CYRIB: variants seen among roughly 807,000 people sequenced by gnomAD.
The protein encoded by CYRIB is CYFIP-related Rac1 interactor B.
In CYRIB, 8 loss-of-function variants were observed where a neutral mutation model predicts 44.2. That is an observed-to-expected ratio of 0.18 (90% confidence interval 0.11 to 0.33). CYRIB has a LOEUF of 0.33. Ranked by LOEUF, CYRIB falls within the 10% of genes least tolerant of loss-of-function variation. The pLI is 1.00. For synonymous variants in CYRIB, 131 were observed against 127.2 expected (o/e 1.03, Z -0.20); for missense variants, 185 against 382.8 (o/e 0.48, Z 4.31).
exon 12 of CYRIB, chr8:129,839,605 A>T (rs1468500586): frequency 6.6e-6 from 1 of 152,226 alleles, no homozygotes; most frequent in Non-Finnish European, 1.5e-5. Context: ...AGGTTCCAAT[A>T]AAATTTTATT....
intron 2 of CYRIB, chr8:129,947,767 T>C (rs2094253535): frequency 6.6e-6 from 1 of 152,252 alleles, no homozygotes; most frequent in African/African-American, 2.4e-5. Flanking sequence ...GCAGCACATA[T>C]TTTTATTAAA....
chr8:129,845,757 A>G (rs2039580385), intron 11 of CYRIB, among the ~76,000 whole-genome samples: 1 of 152,242 alleles, frequency 6.6e-6, no homozygotes, highest in Non-Finnish European at 1.5e-5. Context: ...CCCTCAAAAA[A>G]TCAAGTAATG....
chr8:129,892,959 C>T (rs536017166), intron 2 of CYRIB, among the ~76,000 whole-genome samples: 3 of 152,250 alleles, frequency 2.0e-5, no homozygotes, highest in Non-Finnish European at 2.9e-5. Flanking sequence ...CCTCAATTAG[C>T]GGCGGATTTG....
At chr8:129,954,795 G>C (rs10089850) in intron 2 of CYRIB, among the ~76,000 whole-genome samples, 15,106 of 152,168 alleles carry the variant, frequency 0.099, 872 homozygotes, top group East Asian at 0.26. Context: ...TGAGGCATCA[G>C]TAAAGTCCTG....
intron 1 of CYRIB, among the ~76,000 whole-genome samples, chr8:129,909,299 A>G (rs1036262943): frequency 1.3e-5 from 2 of 152,180 alleles, no homozygotes; most frequent in African/African-American, 4.8e-5. Context: ...CCCCTTTATT[A>G]TAAGGGTAAA....
chr8:129,987,568 C>CTTTTTT (rs34876735), intron 1 of CYRIB, among the ~76,000 whole-genome samples: 1 of 127,024 alleles, frequency 7.9e-6, no homozygotes, highest in Non-Finnish European at 1.6e-5. Flanking sequence ...TTTTTTTTTT[C>CTTTTTT]TTTTTTTTTT....
At chr8:129,931,323 T>C (rs1791450145) in intron 1 of CYRIB, among the ~76,000 whole-genome samples, 1 of 152,224 alleles carries the variant, frequency 6.6e-6, no homozygotes, top group Admixed American at 6.5e-5. Flanking sequence ...AGTAGAGAAC[T>C]GTGGTTTGAT....
chr8:129,866,534 CT>C (rs1361786125), intron 4 of CYRIB, among the ~76,000 whole-genome samples: 1 of 151,800 alleles, frequency 6.6e-6, no homozygotes. Context: ...CACATTTTGA[CT>C]GTATATAGAG....
At chr8:129,842,947 T>G (rs1203592463) in intron 11 of CYRIB, among the ~76,000 whole-genome samples, 3 of 152,220 alleles carry the variant, frequency 2.0e-5, no homozygotes, top group Non-Finnish European at 2.9e-5. Flanking sequence ...GCCTTATTTC[T>G]AGGCATGTGT....
intron 1 of CYRIB, among the ~76,000 whole-genome samples, chr8:129,976,009 G>C (rs758932218): frequency 1.3e-5 from 2 of 151,926 alleles, no homozygotes; most frequent in Non-Finnish European, 2.9e-5. Flanking sequence ...TGGAAATGAA[G>C]AACTCTTGTA....
intron 2 of CYRIB, among the ~76,000 whole-genome samples, chr8:129,957,891 G>T (rs1386920004): frequency 6.6e-6 from 1 of 151,396 alleles, no homozygotes; most frequent in Non-Finnish European, 1.5e-5. Context: ...TGTGAACCTG[G>T]GAGGCAGAGC....
At chr8:129,972,040 C>T (rs1487444085) in intron 1 of CYRIB, among the ~76,000 whole-genome samples, 1 of 152,166 alleles carries the variant, frequency 6.6e-6, no homozygotes, top group Non-Finnish European at 1.5e-5. Context: ...TTAGTGTTTT[C>T]TCTTTGCTTT....
intron 2 of CYRIB, chr8:129,901,801 C>T (rs1020469562): frequency 6.6e-6 from 1 of 152,174 alleles, no homozygotes; most frequent in Non-Finnish European, 1.5e-5. Flanking sequence ...TTTTTGCACA[C>T]AACATCTATT....
chr8:129,972,688 C>A (rs1349483486), intron 1 of CYRIB, among the ~76,000 whole-genome samples: 1 of 152,048 alleles, frequency 6.6e-6, no homozygotes, highest in Non-Finnish European at 1.5e-5. Flanking sequence ...ACACACACCA[C>A]ACATACACCA....
intron 5 of CYRIB, among the ~76,000 whole-genome samples, chr8:129,859,514 T>C (rs1270382882): frequency 6.6e-6 from 1 of 151,990 alleles, no homozygotes; most frequent in African/African-American, 2.4e-5. Flanking sequence ...GTAGCGGGTG[T>C]TTTTCCTTGA....
At chr8:129,906,156 C>A in intron 1 of CYRIB, among the ~76,000 whole-genome samples, 1 of 152,038 alleles carries the variant, frequency 6.6e-6, no homozygotes, top group Non-Finnish European at 1.5e-5. Flanking sequence ...CAATCCTAAG[C>A]CAAAAGAACA....
At chr8:130,000,803 G>A (rs1157372810) in intron 1 of CYRIB, among the ~76,000 whole-genome samples, 2 of 152,088 alleles carry the variant, frequency 1.3e-5, no homozygotes, top group African/African-American at 2.4e-5. Flanking sequence ...GATCCCTGGA[G>A]CTCAGGAGTT....
chr8:129,937,881 TTCTCTCTCTC>T (rs35554242), intron 1 of CYRIB, among the ~76,000 whole-genome samples: 1 of 147,682 alleles, frequency 6.8e-6, no homozygotes, highest in East Asian at 2.0e-4. Context: ...CAAATACACA[TTCTCTCTCTC>T]TCTCTCTCTC....
At chr8:129,864,019 C>G (rs2051790647) in intron 4 of CYRIB, among the ~76,000 whole-genome samples, 1 of 152,176 alleles carries the variant, frequency 6.6e-6, no homozygotes, top group Non-Finnish European at 1.5e-5. Flanking sequence ...AACAAAAATT[C>G]AGGAAAGCAA....
Sources: gnomAD v4.1 joint callset for allele counts (sites outside exome capture counted in the v4.1 genomes callset) on GRCh38, gnomAD v4.1.1 for gene constraint, MANE v1.5 for transcripts, NCBI Gene and HGNC (gene_info 2026-07-23, HGNC 2026-07-21) for gene names.